The following MACF1 variants were observed in gnomAD, a reference collection of about 807,000 sequenced individuals.
The protein encoded by MACF1 is microtubule-actin cross-linking factor 1.
A neutral mutation model predicts 854.8 loss-of-function variants in MACF1; 193 were observed. The ratio of observed to expected loss-of-function variants is 0.23; its 90% CI spans 0.20 to 0.25. The LOEUF is 0.25. Among genes scored for constraint, MACF1 ranks in the 10% least tolerant of loss-of-function variants. The probability of loss-of-function intolerance (pLI) is 1.00; values close to 1 mark genes in which losing one functional copy is unlikely to be tolerated. For synonymous variants in MACF1, 3,185 were observed against 3,226.7 expected (o/e 0.99, Z 0.44); for missense variants, 7,722 against 8,929.1 (o/e 0.86, Z 5.45).
chr1:39,233,934 C>CGGAA (rs1178550450), intron 2 of MACF1, among the ~76,000 whole-genome samples: 1 of 145,070 alleles, frequency 6.9e-6, no homozygotes, highest in Non-Finnish European at 1.5e-5. Flanking sequence ...GAGGACCCTG[C>CGGAA]GGCCTTCCGC....
chr1:39,407,779 G>C (rs1642769258), intron 58 of MACF1, among the ~76,000 whole-genome samples: 1 of 152,210 alleles, frequency 6.6e-6, no homozygotes, highest in Non-Finnish European at 1.5e-5. Flanking sequence ...TTGTGTAAAG[G>C]ATAGAAATAA....
intron 58 of MACF1, chr1:39,411,710 C>T (rs1278995751): frequency 6.2e-6 from 10 of 1,613,720 alleles, no homozygotes; most frequent in East Asian, 2.2e-5. Flanking sequence ...GGAGTAACTC[C>T]TCTAGTTGAG....
intron 5 of MACF1, among the ~76,000 whole-genome samples, chr1:39,256,872 T>C (rs1179040787): frequency 1.3e-5 from 2 of 151,754 alleles, no homozygotes; most frequent in East Asian, 1.9e-4. Flanking sequence ...CTTTTCTGTC[T>C]TTCTCTCTCA....
intron 2 of MACF1, among the ~76,000 whole-genome samples, chr1:39,159,001 G>A (rs1277029170): frequency 6.6e-6 from 1 of 152,146 alleles, no homozygotes; most frequent in African/African-American, 2.4e-5. Context: ...AGTTCCTGGA[G>A]GGACTCAACA....
intron 6 of MACF1, among the ~76,000 whole-genome samples, chr1:39,278,453 G>A (rs957250909): frequency 1.3e-5 from 2 of 152,272 alleles, no homozygotes; most frequent in South Asian, 4.1e-4. Flanking sequence ...TAGTTTTAGT[G>A]CAATATACAG....
At chr1:39,393,525 G>C (rs1004782920) in intron 58 of MACF1, among the ~76,000 whole-genome samples, 2 of 152,020 alleles carry the variant, frequency 1.3e-5, no homozygotes, top group African/African-American at 4.8e-5. Flanking sequence ...AATGAACAAT[G>C]GGGCCAGGCA....
At chr1:39,324,402 A>G in intron 34 of MACF1, 57 bp downstream of exon 34, 4 of 1,577,436 alleles carry the variant, frequency 2.5e-6, no homozygotes, top group Non-Finnish European at 3.4e-6. Context: ...ATAATACATT[A>G]GGTGGAATAG....
intron 2 of MACF1, among the ~76,000 whole-genome samples, chr1:39,144,477 T>A (rs1055392205): frequency 6.6e-6 from 1 of 152,180 alleles, no homozygotes; most frequent in Non-Finnish European, 1.5e-5. Flanking sequence ...AAGTTATTGA[T>A]ACTGCACCCA....
chr1:39,412,013 A>C (rs1431827597), intron 58 of MACF1: 1 of 1,613,988 alleles, frequency 6.2e-7, no homozygotes, highest in East Asian at 2.2e-5. Context: ...AGGACTGCAG[A>C]ATTTAAGTCC....
chr1:39,126,778 C>T (rs1357711345), intron 2 of MACF1, among the ~76,000 whole-genome samples: 1 of 151,396 alleles, frequency 6.6e-6, no homozygotes. Context: ...CAGAGCAAGA[C>T]TCTGTCTCCA....
intron 2 of MACF1, among the ~76,000 whole-genome samples, chr1:39,127,337 T>C (rs1278440356): frequency 3.3e-5 from 5 of 152,242 alleles, no homozygotes; most frequent in African/African-American, 1.2e-4. Context: ...GTTCCTTCGT[T>C]TTCTGGGCTG....
chr1:39,271,602 A>C (rs543119981), intron 6 of MACF1, among the ~76,000 whole-genome samples: 3 of 152,214 alleles, frequency 2.0e-5, no homozygotes, highest in Non-Finnish European at 4.4e-5. Flanking sequence ...GTCAACTTTT[A>C]TCTTGTAAAA....
At chr1:39,088,179 A>G (rs1420345603) in intron 2 of MACF1, among the ~76,000 whole-genome samples, 3 of 152,068 alleles carry the variant, frequency 2.0e-5, no homozygotes, top group Admixed American at 1.3e-4. Flanking sequence ...TCACCATGTT[A>G]GCCAGGATGG....
In MACF1 at chr1:39,452,222, C is replaced by G. The variant is rs1311704159; in HGVS notation, c.20485C>G (p.Leu6829Val). Residue 6829 changes from leucine to valine, a missense_variant, in exon 86 of 101, where the codon CTG becomes GTG. By Grantham distance (32) the Leu-to-Val change is conservative (BLOSUM62 1). Around this residue, in one of 15 missense-constraint regions of MACF1, gnomAD observed 729 missense variants for 900.5 expected, o/e 0.81. Coordinates refer to ENST00000564288, the MANE Select transcript of MACF1 (RefSeq NM_001394062.1). ...GGTCCTGAAGCGGTCAGGCCGAGAGCTGATTGAGAATAGTCGAGATGACAC... is the reference window on the plus strand; with the variant it reads ...GGTCCTGAAGCGGTCAGGCCGAGAGGTGATTGAGAATAGTCGAGATGACAC... ...VQVLKRSGRE[L>V]IENSRDDTTW... is the part of the protein sequence containing the mutation. 6.2e-7 allele frequency: 1 copy of G among 1,614,152 alleles called. No homozygotes were observed.
At chr1:39,349,962 A>C (rs1170780792) in intron 42 of MACF1, among the ~76,000 whole-genome samples, 1 of 152,218 alleles carries the variant, frequency 6.6e-6, no homozygotes, top group East Asian at 1.9e-4. Flanking sequence ...ACAAATATTT[A>C]GTGCTCAAGG....
chr1:39,291,181 T>G (rs1055365945), intron 15 of MACF1, among the ~76,000 whole-genome samples: 6 of 152,028 alleles, frequency 3.9e-5, no homozygotes, highest in African/African-American at 1.4e-4. Context: ...TTCACCATGT[T>G]GGCCAGGCTG....
At chr1:39,151,441 A>G (rs1182177550) in intron 2 of MACF1, among the ~76,000 whole-genome samples, 1 of 152,148 alleles carries the variant, frequency 6.6e-6, no homozygotes, top group African/African-American at 2.4e-5. Flanking sequence ...ATGGGTTTCC[A>G]TTGTCTTTGG....
chr1:39,331,458 A>G lies in MACF1; in HGVS notation c.4870A>G (p.Arg1624Gly). The G allele has an allele frequency of 6.2e-7, 1 of 1,614,136 alleles. No homozygotes were observed. Among genetic ancestry groups the G allele is most frequent in the East Asian group, 2.2e-5 (1 of 44,878 alleles). The change falls in exon 37 of 101, where the codon AGG becomes GGG. Residue 1624 changes from arginine to glycine, a missense_variant. Arg to Gly is a moderately radical substitution (Grantham distance 125, BLOSUM62 -2). This residue lies in a region of MACF1 where 1,531 missense variants were observed against 1,601.6 expected (regional missense o/e 0.96). Transcript: ENST00000564288. ...ACAGGATGCCCTGGCCTTAATAAGC[A>G]GGCTTACTGAGAGCAGAGGCCCTCT... ...ELQDALALIS[R>G]LTESRGPLSV...
intron 27 of MACF1, 149 bp from the exon 28 acceptor site, chr1:39,316,242 T>A: frequency 1.6e-6 from 1 of 615,456 alleles, no homozygotes; most frequent in Non-Finnish European, 2.6e-6. Context: ...CCACATTTAC[T>A]TGTTTTCACA....
Sources: gnomAD v4.1 joint callset for allele counts (sites outside exome capture counted in the v4.1 genomes callset) on GRCh38, gnomAD v4.1.1 for gene constraint, gnomAD v4.1.1 regional missense constraint, MANE v1.5 for transcripts, NCBI Gene and HGNC (gene_info 2026-07-23, HGNC 2026-07-21) for gene names.